ATRNL1: variants seen among roughly 807,000 people sequenced by gnomAD.
ATRNL1 encodes the protein attractin like 1, also known as attractin-like protein 1.
In ATRNL1, 95 loss-of-function variants were observed where a neutral mutation model predicts 182.7. The observed-to-expected ratio is 0.52, with a 90% CI of 0.44 to 0.62. ATRNL1 has a LOEUF of 0.62. Ranked by LOEUF, ATRNL1 falls within the 20% of genes least tolerant of loss-of-function variation. The pLI is 0.00. For missense variants in ATRNL1, 1,471 were observed against 1,679.5 expected (o/e 0.88, Z 2.17); for synonymous variants, 576 against 568.3 (o/e 1.01, Z -0.19).
chr10:115,946,071 T>C lies in ATRNL1; in HGVS notation c.*1292T>C, dbSNP rs1191444417. 1.3e-5 allele frequency: 2 copies of C among 152,250 alleles called. No homozygotes were observed. The highest frequency in any genetic ancestry group is 2.4e-5 in the African/African-American group (1 of 41,464). The allele number at this position is 152,250 out of a possible 1,614,324, so 9.4% of individuals were successfully genotyped here. ...CTCAGTAGCATTAACAGATATAGTT[T>C]GGAATTGCAGTTTCCTCACTTCAGG... On this transcript the variant is annotated 3_prime_UTR_variant, in exon 29 of 29. Transcript: ENST00000355044.
intron 10 of ATRNL1, among the ~76,000 whole-genome samples, chr10:115,259,599 C>T (rs112222364): frequency 2.6e-5 from 4 of 152,172 alleles, no homozygotes; most frequent in Admixed American, 6.5e-5. Flanking sequence ...CACCCTGCTT[C>T]GGCTCGCCCT....
At chr10:115,561,600 G>T (rs1853713168) in intron 26 of ATRNL1, among the ~76,000 whole-genome samples, 1 of 151,692 alleles carries the variant, frequency 6.6e-6, no homozygotes, top group South Asian at 2.1e-4. Context: ...ATTTACTTGA[G>T]CATCTCTGGA....
At chr10:115,534,195 A>C (rs1851801168) in intron 25 of ATRNL1, among the ~76,000 whole-genome samples, 1 of 151,038 alleles carries the variant, frequency 6.6e-6, no homozygotes, top group East Asian at 1.9e-4. Flanking sequence ...TCTAATGTTG[A>C]CAGTGGGGTG....
In ATRNL1 at chr10:115,874,231, T is replaced by C. The variant is rs149842598; in HGVS notation, c.4018+26240T>C. ...TGGCTTTCTTAGAAAGCAGCATCCA[T>C]AGCTGGAGGAGCCTTGAGCTCACTG... is the stretch of plus-strand genomic sequence containing the variant. On this transcript the variant is annotated intron_variant, in intron 28 of 28. Transcript: ENST00000355044. 9.0e-3 allele frequency among the ~76,000 whole-genome samples: 1,368 copies of C among 152,252 alleles called. 4 individuals are homozygous for C. Among genetic ancestry groups the C allele is most frequent in the Middle Eastern group, 0.017 (5 of 292 alleles).
intron 28 of ATRNL1, among the ~76,000 whole-genome samples, chr10:115,934,602 A>G (rs1589714540): frequency 1.3e-5 from 2 of 152,118 alleles, no homozygotes; most frequent in East Asian, 1.9e-4. Flanking sequence ...ACTCTCTCCT[A>G]AATATCTATC....
intron 9 of ATRNL1, among the ~76,000 whole-genome samples, chr10:115,241,296 G>GA (rs1405199288): frequency 2.0e-5 from 3 of 151,186 alleles, no homozygotes; most frequent in African/African-American, 7.3e-5. Context: ...CTTTGTAAAT[G>GA]AAAAAATAAT....
intron 19 of ATRNL1, among the ~76,000 whole-genome samples, chr10:115,363,419 C>A (rs1387533904): frequency 6.9e-6 from 1 of 145,392 alleles, no homozygotes; most frequent in African/African-American, 2.5e-5. Flanking sequence ...TGGATATTAG[C>A]CCTTTGTCAG....
rs138531554 is a variant in ATRNL1, at chr10:115,921,785, T to G, written c.4019-22873T>G. Among the ~76,000 whole-genome samples, 22 of 152,332 alleles carry G rather than the reference T, an allele frequency of 1.4e-4. No homozygotes were observed. The East Asian group carries it at 4.2e-3, about 29-fold the overall frequency. On this transcript the variant is annotated intron_variant, in intron 28 of 28. Transcript: ENST00000355044. ...TTTAAAATTGTGTTAGCGTAAAGTG[T>G]TGGTGAACCCACTCATTTTTACATG...
rs150335409 is a variant in ATRNL1, at chr10:115,774,123, G to T, written c.3903+46768G>T. Among the ~76,000 whole-genome samples the T allele has an allele frequency of 7.2e-3, 1,103 of 152,254 alleles. 16 individuals carry two copies. The highest frequency in any genetic ancestry group is 0.025 in the African/African-American group (1,051 of 41,554). On this transcript the variant is annotated intron_variant, in intron 27 of 28. Coordinates refer to ENST00000355044, the MANE Select transcript of ATRNL1 (RefSeq NM_207303.4). ...ACCAATAATTTCCCCAGCCCCAGGT[G>T]TGGAGTTAGGATGAGTGTGGATAAT...
At chr10:115,688,220 G>C (rs1267414814) in intron 26 of ATRNL1, among the ~76,000 whole-genome samples, 3 of 151,900 alleles carry the variant, frequency 2.0e-5, no homozygotes, top group African/African-American at 7.3e-5. Context: ...TTCATCCATC[G>C]ATGAGCATGT....
At chr10:115,471,822 T>C (rs1381834203) in intron 24 of ATRNL1, among the ~76,000 whole-genome samples, 1 of 151,232 alleles carries the variant, frequency 6.6e-6, no homozygotes, top group Non-Finnish European at 1.5e-5. Flanking sequence ...ATTGTTTCCT[T>C]TGCTGTGCCA....
At chr10:115,319,390 A>C (rs1487467597) in intron 18 of ATRNL1, among the ~76,000 whole-genome samples, 1 of 152,216 alleles carries the variant, frequency 6.6e-6, no homozygotes, top group African/African-American at 2.4e-5. Context: ...AGTTTTGTAG[A>C]AGTCTATTAG....
intron 27 of ATRNL1, among the ~76,000 whole-genome samples, chr10:115,806,931 C>A (rs2960729): frequency 0.78 from 118,345 of 152,006 alleles, 46,232 homozygotes; most frequent in African/African-American, 0.84. Flanking sequence ...TCAGTATTAA[C>A]ATTTAAGAAA....
intron 14 of ATRNL1, among the ~76,000 whole-genome samples, 190 bp downstream of exon 14, chr10:115,281,677 AT>A (rs1852367133): frequency 6.6e-6 from 1 of 152,040 alleles, no homozygotes; most frequent in South Asian, 2.1e-4. Context: ...GCTTCCAATT[AT>A]TTTAAGGTGT....
At chr10:115,915,517 AT>A (rs11306246) in intron 28 of ATRNL1, among the ~76,000 whole-genome samples, 4,462 of 152,312 alleles carry the variant, frequency 0.029, 82 homozygotes, top group Non-Finnish European at 0.041. Context: ...AAGACATCAG[AT>A]AATTAACATA....
chr10:115,912,112 A>G (rs1188828130), intron 28 of ATRNL1, among the ~76,000 whole-genome samples: 3 of 152,210 alleles, frequency 2.0e-5, no homozygotes, highest in African/African-American at 7.2e-5. Context: ...AGGGCAGCCT[A>G]GTTCTAGAAG....
At chr10:115,513,125 G>A (rs1285767277) in intron 24 of ATRNL1, among the ~76,000 whole-genome samples, 3 of 151,840 alleles carry the variant, frequency 2.0e-5, no homozygotes, top group Non-Finnish European at 2.9e-5. Flanking sequence ...TTCCACTGTG[G>A]CCCAGGGAAG....
chr10:115,680,742 TAAAG>T (rs1329123712), intron 26 of ATRNL1, among the ~76,000 whole-genome samples: 5 of 152,150 alleles, frequency 3.3e-5, no homozygotes, highest in African/African-American at 1.2e-4. Context: ...ACAAAAATTT[TAAAG>T]TAAGTTCAAG....
intron 15 of ATRNL1, 78 bp from the exon 16 acceptor site, chr10:115,299,956 A>C: frequency 1.0e-6 from 1 of 991,352 alleles, no homozygotes; most frequent in African/African-American, 1.6e-5. Flanking sequence ...TTTTAATGAT[A>C]GTGAACTATT....
Sources: allele counts gnomAD v4.1 joint callset (sites outside exome capture counted in the v4.1 genomes callset), GRCh38; gene constraint gnomAD v4.1.1; transcripts MANE v1.5; gene names NCBI Gene and HGNC (gene_info 2026-07-23, HGNC 2026-07-21).